The following ZFYVE28 variants were observed in gnomAD, a reference collection of about 807,000 sequenced individuals.
ZFYVE28 encodes the protein zinc finger FYVE-type containing 28.
A neutral mutation model predicts 82.1 loss-of-function variants in ZFYVE28; 40 were observed. The observed-to-expected ratio is 0.49, with a 90% CI of 0.38 to 0.63. The LOEUF (loss-of-function observed/expected upper bound fraction) is 0.63. Ranked by LOEUF, ZFYVE28 falls within the 30% of genes least tolerant of loss-of-function variation. The pLI, the probability that ZFYVE28 is intolerant of heterozygous loss-of-function variation, is 0.00. For missense variants in ZFYVE28, 1,321 were observed against 1,242.1 expected, an observed-to-expected ratio of 1.06 and a Z score of -0.96; for synonymous variants, 612 against 546.1, an observed-to-expected ratio of 1.12 and a Z score of -1.68.
intron 3 of ZFYVE28, among the ~76,000 whole-genome samples, chr4:2,340,732 G>A (rs1047724131): frequency 6.6e-6 from 1 of 152,078 alleles, no homozygotes; most frequent in South Asian, 2.1e-4. Flanking sequence ...GAACCTGCCC[G>A]CGGGCCCCTG....
At chr4:2,370,539 C>T (rs1464956105) in intron 1 of ZFYVE28, among the ~76,000 whole-genome samples, 5 of 152,184 alleles carry the variant, frequency 3.3e-5, no homozygotes, top group Non-Finnish European at 5.9e-5. Flanking sequence ...ATCTTCCCCC[C>T]GTGCAGGTGG....
intron 6 of ZFYVE28, chr4:2,328,900 G>T: frequency 3.0e-5 from 11 of 363,698 alleles, no homozygotes; most frequent in Admixed American, 4.4e-5. Flanking sequence ...CTTATTGAAT[G>T]ATCTTGGCCC....
chr4:2,308,675 A>AAGAAAGAAAGAAAGAAAGAAAGAG (rs1200372952), intron 7 of ZFYVE28, among the ~76,000 whole-genome samples: 19 of 93,208 alleles, frequency 2.0e-4, no homozygotes, highest in African/African-American at 7.6e-4. Context: ...GAAAGAAAGA[A>AAGAAAGAAAGAAAGAAAGAAAGAG]AGAGAAAGAA....
chr4:2,356,009 C>G (rs993987701), intron 1 of ZFYVE28, among the ~76,000 whole-genome samples: 1 of 152,214 alleles, frequency 6.6e-6, no homozygotes, highest in Admixed American at 6.5e-5. Flanking sequence ...CCGTCGGGGC[C>G]GTTTCCTCCG....
At chr4:2,325,686 C>T (rs926803834) in intron 6 of ZFYVE28, among the ~76,000 whole-genome samples, 5 of 147,770 alleles carry the variant, frequency 3.4e-5, no homozygotes, top group East Asian at 2.0e-4. Flanking sequence ...ACTGCAAACT[C>T]GAACTCCTGG....
Position 2,304,973 on chromosome 4 carries a change from T to C in ZFYVE28, c.1367A>G (p.Glu456Gly), listed in dbSNP as rs749046922. The C allele has an allele frequency of 1.9e-6, 3 of 1,612,600 alleles. No individual in the cohort carries two copies. The highest frequency in any genetic ancestry group is 2.5e-6 in the Non-Finnish European group (3 of 1,179,844). Residue 456 changes from glutamate to glycine, a missense_variant, in exon 8 of 13, where the codon GAG (glutamate) becomes GGG (glycine). Transcript: ENST00000290974. ...GISLPASEKE[E>G]DLSNNNLEAE... ...CTCGAGATTGTTGTTGCTCAAGTCCTCCTCCTTTTCCGAGGCGGGCAAGCT... is the reference window on the plus strand; with the variant it reads ...CTCGAGATTGTTGTTGCTCAAGTCCCCCTCCTTTTCCGAGGCGGGCAAGCT...
intron 1 of ZFYVE28, among the ~76,000 whole-genome samples, chr4:2,414,231 A>G (rs1732806084): frequency 6.6e-6 from 1 of 152,262 alleles, no homozygotes; most frequent in Non-Finnish European, 1.5e-5. Flanking sequence ...GCCGAAGGGC[A>G]GGAAGTCCCA....
At chr4:2,287,279 C>T (rs757748278) in intron 8 of ZFYVE28, 7 of 152,304 alleles carry the variant, frequency 4.6e-5, no homozygotes, top group Admixed American at 6.5e-5. Context: ...ATCTCTCACC[C>T]GCTGGGCGAC....
At chr4:2,334,164 C>T (rs935660706) in intron 6 of ZFYVE28, among the ~76,000 whole-genome samples, 4 of 152,274 alleles carry the variant, frequency 2.6e-5, no homozygotes, top group East Asian at 1.9e-4. Context: ...GCAACCTCTG[C>T]GAGGACACGG....
chr4:2,391,230 A>C (rs1014445027), intron 1 of ZFYVE28, among the ~76,000 whole-genome samples: 7 of 151,890 alleles, frequency 4.6e-5, no homozygotes, highest in Admixed American at 4.6e-4. Flanking sequence ...ACAATTCCGC[A>C]TCGTCCCCAC....
intron 1 of ZFYVE28, among the ~76,000 whole-genome samples, chr4:2,399,130 T>TGGG (rs144176975): frequency 2.9e-5 from 3 of 104,646 alleles, no homozygotes; most frequent in Admixed American, 9.1e-5. Flanking sequence ...GGGCACAAGC[T>TGGG]GGGTGGTGAG....
intron 1 of ZFYVE28, among the ~76,000 whole-genome samples, chr4:2,355,424 G>A (rs925019190): frequency 1.2e-4 from 17 of 146,878 alleles, no homozygotes; most frequent in African/African-American, 4.0e-4. Context: ...TGGGATTATA[G>A]GCATCCATCA....
Position 2,304,523 on chromosome 4 carries a change from G to GC in ZFYVE28, c.1816dup (p.Ala606GlyfsTer3). 1 of 1,612,582 alleles carries GC rather than the reference G, an allele frequency of 6.2e-7. No homozygotes were observed. The highest frequency in any genetic ancestry group is 8.5e-7 in the Non-Finnish European group (1 of 1,179,684). ...GGGCGCCTCCTCCTGTCTCTCAGGG[G>GC]CCCTGTCGCTGGCCTTGGCTAAGCC... is the stretch of plus-strand genomic sequence containing the variant. On this transcript the variant is annotated frameshift_variant, in exon 8 of 13. Transcript: ENST00000290974. LOFTEE classifies it high-confidence loss of function.
At chr4:2,356,408 C>A (rs530679917) in intron 1 of ZFYVE28, among the ~76,000 whole-genome samples, 5 of 139,606 alleles carry the variant, frequency 3.6e-5, no homozygotes, top group African/African-American at 8.1e-5. Flanking sequence ...ACCCCGCCCC[C>A]CCGGCAGTTG....
intron 1 of ZFYVE28, among the ~76,000 whole-genome samples, chr4:2,383,986 C>T (rs1728987929): frequency 6.6e-6 from 1 of 152,194 alleles, no homozygotes; most frequent in South Asian, 2.1e-4. Flanking sequence ...AAGATGTCCC[C>T]ATCACCCTGA....
intron 1 of ZFYVE28, among the ~76,000 whole-genome samples, chr4:2,376,718 G>T (rs990968675): frequency 6.6e-6 from 1 of 152,134 alleles, no homozygotes; most frequent in Non-Finnish European, 1.5e-5. Context: ...CACGACATGT[G>T]GGGATTATGG....
intron 8 of ZFYVE28, chr4:2,286,683 T>C (rs1023049162): frequency 1.3e-5 from 2 of 152,226 alleles, no homozygotes; most frequent in African/African-American, 2.4e-5. Flanking sequence ...CGGTCTCCAG[T>C]TCACCTATGC....
intron 1 of ZFYVE28, among the ~76,000 whole-genome samples, chr4:2,414,224 G>A (rs887838960): frequency 3.3e-5 from 5 of 152,228 alleles, no homozygotes; most frequent in Non-Finnish European, 7.3e-5. Flanking sequence ...AACAAGAGCC[G>A]AAGGGCAGGA....
chr4:2,276,043 C>A (rs1054446712), intron 8 of ZFYVE28, among the ~76,000 whole-genome samples: 1 of 152,268 alleles, frequency 6.6e-6, no homozygotes, highest in Non-Finnish European at 1.5e-5. Context: ...ACATGCACAA[C>A]TGCCTGGTAT....
Sources: gnomAD v4.1 joint callset for allele counts (sites outside exome capture counted in the v4.1 genomes callset) on GRCh38, gnomAD v4.1.1 for gene constraint, MANE v1.5 for transcripts, NCBI Gene and HGNC (gene_info 2026-07-23, HGNC 2026-07-21) for gene names.